Variants in ACTR2 observed in about 807,000 individuals in gnomAD.
ACTR2 encodes actin related protein 2, also known as actin-related protein 2.
ACTR2 carries 5 observed loss-of-function variants against 50.2 expected under a neutral mutation model. The observed-to-expected ratio is 0.10, with a 90% CI of 0.05 to 0.21. ACTR2 has a LOEUF of 0.21. Among genes scored for constraint, ACTR2 ranks in the 10% least tolerant of loss-of-function variants. ACTR2 has a pLI of 1.00. For synonymous variants in ACTR2, 140 were observed against 162.9 expected, an observed-to-expected ratio of 0.86 and a Z score of 1.07; for missense variants, 180 against 480.6, an observed-to-expected ratio of 0.37 and a Z score of 5.85.
intron 6 of ACTR2, 42 bp from the exon 7 acceptor site, chr2:65,261,205 T>A: frequency 6.2e-7 from 1 of 1,610,434 alleles, no homozygotes; most frequent in Non-Finnish European, 8.5e-7. Flanking sequence ...TGGGAAATTT[T>A]AATCTTTTGC....
At chr2:65,243,641 GAACA>G (rs1365363953) in intron 2 of ACTR2, among the ~76,000 whole-genome samples, 3 of 152,046 alleles carry the variant, frequency 2.0e-5, no homozygotes, top group South Asian at 2.1e-4. Flanking sequence ...TTAGTTAATT[GAACA>G]AACAAACAAA....
chr2:65,229,988 C>A (rs1265450465), intron 1 of ACTR2, among the ~76,000 whole-genome samples: 1 of 152,028 alleles, frequency 6.6e-6, no homozygotes, highest in Non-Finnish European at 1.5e-5. Flanking sequence ...TAATGGTTAC[C>A]TATGAGACAG....
chr2:65,258,424 A>G (rs1672194813), intron 6 of ACTR2, among the ~76,000 whole-genome samples: 1 of 152,018 alleles, frequency 6.6e-6, no homozygotes, highest in Non-Finnish European at 1.5e-5. Flanking sequence ...AAAAAAATAC[A>G]AAAATTTGCC....
chr2:65,267,182 T>G (rs551039401), intron 8 of ACTR2, among the ~76,000 whole-genome samples: 134 of 152,298 alleles, frequency 8.8e-4, no homozygotes, highest in Admixed American at 1.7e-3. Context: ...TTGTTTGTTT[T>G]TTTTAAGTTT....
At chr2:65,253,670 G>A (rs1166195853) in intron 4 of ACTR2, 58 bp from the exon 5 acceptor site, 5 of 1,571,832 alleles carry the variant, frequency 3.2e-6, no homozygotes, top group Non-Finnish European at 4.3e-6. Flanking sequence ...TTTGGAACTC[G>A]CTGGCTTTGG....
chr2:65,258,543 T>G (rs1672197376), intron 6 of ACTR2, among the ~76,000 whole-genome samples: 1 of 151,942 alleles, frequency 6.6e-6, no homozygotes, highest in Non-Finnish European at 1.5e-5. Context: ...GAGCTAGGAT[T>G]GCACCACTGC....
At chr2:65,240,113 C>A in intron 2 of ACTR2, 151 bp downstream of exon 2, 1 of 578,670 alleles carries the variant, frequency 1.7e-6, no homozygotes. Flanking sequence ...TTTATATCAA[C>A]ACCTGAACAG....
In ACTR2 at chr2:65,253,708, T is replaced by C. The variant is rs778601258; in HGVS notation, c.449-20T>C. The C allele has an allele frequency of 6.2e-7, 1 of 1,603,086 alleles. No homozygotes were observed. On this transcript the variant is annotated intron_variant, in intron 4 of 8. Coordinates refer to ENST00000260641, the MANE Select transcript of ACTR2 (RefSeq NM_005722.4). ...TTCCTGATTTGACTTTTTATTTAAA[T>C]CCCCCTGGCTTTTATGCAGGTTTAT... is the stretch of plus-strand genomic sequence containing the variant.
intron 2 of ACTR2, chr2:65,242,698 G>A (rs762545407): frequency 4.0e-6 from 2 of 494,282 alleles, no homozygotes; most frequent in East Asian, 5.6e-5. Flanking sequence ...ATTGTACAGT[G>A]TGTTTTTCTT....
At chr2:65,251,580 C>G (rs1326254353) in intron 4 of ACTR2, among the ~76,000 whole-genome samples, 5 of 152,168 alleles carry the variant, frequency 3.3e-5, no homozygotes, top group African/African-American at 1.2e-4. Flanking sequence ...AGGCTGGTCT[C>G]AAACTCCTGA....
intron 1 of ACTR2, among the ~76,000 whole-genome samples, chr2:65,233,088 G>A (rs534345622): frequency 7.4e-4 from 111 of 150,874 alleles, no homozygotes; most frequent in Admixed American, 3.0e-3. Flanking sequence ...TCCATCTCCC[G>A]GGTTCAAGCA....
intron 6 of ACTR2, among the ~76,000 whole-genome samples, chr2:65,260,772 C>T (rs1267063884): frequency 2.0e-5 from 3 of 149,976 alleles, no homozygotes; most frequent in African/African-American, 7.4e-5. Flanking sequence ...CTCTATTGCC[C>T]CTGCTGGAGT....
intron 2 of ACTR2, among the ~76,000 whole-genome samples, chr2:65,244,967 A>T (rs1671909243): frequency 6.6e-6 from 1 of 151,940 alleles, no homozygotes; most frequent in Non-Finnish European, 1.5e-5. Context: ...AAAGAGTGTA[A>T]ACATTTAATA....
chr2:65,269,981 G>C lies in ACTR2; in HGVS notation c.*1247G>C, dbSNP rs1672460932. On this transcript the variant is annotated 3_prime_UTR_variant, in exon 9 of 9. Transcript: ENST00000260641. ...TAATTCTCAGCCATCTTTGAAGCTT[G>C]AAAGAAGAGTCTTTGGTATTTTGTA... 6.6e-6 allele frequency: 1 copy of C among 152,164 alleles called. No individual in the cohort carries two copies. The highest frequency in any genetic ancestry group is 2.1e-4 in the South Asian group (1 of 4,834). 9.4% of individuals were successfully genotyped at this position (152,164 alleles called of 1,614,324 possible). A position where few individuals can be genotyped will look rare whatever the true frequency, so the allele number is the denominator to read the frequency against.
intron 1 of ACTR2, among the ~76,000 whole-genome samples, chr2:65,237,519 G>C (rs1174092971): frequency 6.6e-6 from 1 of 152,074 alleles, no homozygotes; most frequent in Non-Finnish European, 1.5e-5. Flanking sequence ...TGGAATTACA[G>C]GTGTGAGCCA....
chr2:65,260,973 G>A (rs771568931), intron 6 of ACTR2, among the ~76,000 whole-genome samples: 14 of 151,898 alleles, frequency 9.2e-5, no homozygotes, highest in Non-Finnish European at 1.5e-4. Context: ...CTTGTGATCC[G>A]CCCAGCTCAG....
intron 6 of ACTR2, among the ~76,000 whole-genome samples, chr2:65,257,786 G>A (rs1293191261): frequency 6.6e-6 from 1 of 152,182 alleles, no homozygotes; most frequent in Non-Finnish European, 1.5e-5. Context: ...TTTTCATGGG[G>A]TTATTTGTCT....
chr2:65,267,008 A>G (rs13017368), intron 8 of ACTR2, among the ~76,000 whole-genome samples: 3 of 152,184 alleles, frequency 2.0e-5, no homozygotes, highest in Admixed American at 2.0e-4. Context: ...AGAAGCAGCA[A>G]TGAAGAGCAA....
In ACTR2 at chr2:65,271,190, T is replaced by C. The variant is rs1264601661; in HGVS notation, c.*2456T>C. The C allele has an allele frequency of 6.6e-6, 1 of 152,184 alleles. No homozygotes were observed. Among genetic ancestry groups the C allele is most frequent in the African/African-American group, 2.4e-5 (1 of 41,460 alleles). 9.4% of individuals were successfully genotyped at this position (152,184 alleles called of 1,614,324 possible). A position where few individuals can be genotyped will look rare whatever the true frequency, so the allele number is the denominator to read the frequency against. ...GAGATATCAGTGGAAAGCTAAACAG[T>C]CTAAATTAACATGAAATACTTCATT... On this transcript the variant is annotated 3_prime_UTR_variant, in exon 9 of 9. Coordinates refer to ENST00000260641, the MANE Select transcript of ACTR2 (RefSeq NM_005722.4).
Sources: allele counts gnomAD v4.1 joint callset (sites outside exome capture counted in the v4.1 genomes callset), GRCh38; gene constraint gnomAD v4.1.1; transcripts MANE v1.5; gene names NCBI Gene and HGNC (gene_info 2026-07-23, HGNC 2026-07-21).